Variants in FHOD3 observed in about 807,000 individuals in gnomAD.
FHOD3 encodes formin homology 2 domain containing 3.
Under a neutral mutation model 173.0 loss-of-function variants are expected in FHOD3, and 90 were observed. The observed-to-expected ratio is 0.52, with a 90% confidence interval of 0.44 to 0.62. FHOD3 has a LOEUF of 0.62. Among genes scored for constraint, FHOD3 ranks in the 20% least tolerant of loss-of-function variants. The pLI is 0.00. For missense variants in FHOD3, 1,945 were observed against 2,034.7 expected, an observed-to-expected ratio of 0.96 and a Z score of 0.85; for synonymous variants, 828 against 823.0, an observed-to-expected ratio of 1.01 and a Z score of -0.10.
At chr18:36,476,450 A>AG (rs2053580589) in intron 3 of FHOD3, among the ~76,000 whole-genome samples, 1 of 152,212 alleles carries the variant, frequency 6.6e-6, no homozygotes, top group South Asian at 2.1e-4. Context: ...CACAGAGGGC[A>AG]GGCAGGGCAG....
At chr18:36,365,398 T>C (rs910239134) in intron 2 of FHOD3, among the ~76,000 whole-genome samples, 1 of 152,168 alleles carries the variant, frequency 6.6e-6, no homozygotes, top group African/African-American at 2.4e-5. Flanking sequence ...AGACAGGCCA[T>C]GTGAAAGAAG....
At chr18:36,360,278 G>C (rs945023955) in intron 2 of FHOD3, among the ~76,000 whole-genome samples, 1 of 152,248 alleles carries the variant, frequency 6.6e-6, no homozygotes, top group Non-Finnish European at 1.5e-5. Flanking sequence ...ATGAGGACCA[G>C]TGTGGTGGCT....
At position 36,602,683 on chromosome 18, in the gene FHOD3, C is replaced by A. The variant is rs750087235; in HGVS notation, c.728C>A (p.Pro243His). Residue 243 changes from proline to histidine, a missense_variant, in exon 8 of 29, where the codon CCT becomes CAT. By Grantham distance (77) the Pro-to-His change is moderately conservative. Transcript: ENST00000590592. The stretch of plus-strand genomic sequence containing the variant: ...TTTGCTTTACTCATAGGGGTCAAAC[C>A]TTGGTCAAATATCATGGAAATCCTG... ...TAVDTKRGVK[P>H]WSNIMEILEE... 9 of 1,613,772 alleles carry A rather than the reference C, an allele frequency of 5.6e-6. No individual in the cohort carries two copies. The South Asian group carries it at 9.9e-5, about 18-fold the overall frequency.
At position 36,561,582 on chromosome 18, in the gene FHOD3, C is replaced by T. The variant is rs183599167; in HGVS notation, c.512-14869C>T. On this transcript the variant is annotated intron_variant, in intron 5 of 28. Coordinates refer to ENST00000590592, the MANE Select transcript of FHOD3 (RefSeq NM_001281740.3). ...TTATTGTGGATATATCATAAAAACA[C>T]GTTAACCATTTTTGTACAATTCAAT... 5.8e-3 allele frequency among the ~76,000 whole-genome samples: 890 copies of T among 152,268 alleles called. 13 individuals are homozygous for T. Among genetic ancestry groups the T allele is most frequent in the African/African-American group, 0.02 (838 of 41,550 alleles).
intron 3 of FHOD3, among the ~76,000 whole-genome samples, chr18:36,382,123 A>G (rs553241735): frequency 6.6e-6 from 1 of 152,252 alleles, no homozygotes; most frequent in East Asian, 1.9e-4. Flanking sequence ...CTGATGCAAG[A>G]CTGCTCCATG....
rs8091222 is a variant in FHOD3 at position 36,541,521 on chromosome 18, C to A, written c.511+28978C>A. ...TCCAGCCTGGGCAACCGAGCAAGACCTTATCTCTACAAAAAATGAAAAAGA... is the reference window on the plus strand; with the variant it reads ...TCCAGCCTGGGCAACCGAGCAAGACATTATCTCTACAAAAAATGAAAAAGA... On this transcript the variant is annotated intron_variant, in intron 5 of 28. Coordinates refer to ENST00000590592, the MANE Select transcript of FHOD3 (RefSeq NM_001281740.3). 9.9e-3 allele frequency among the ~76,000 whole-genome samples: 1,510 copies of A among 152,132 alleles called. 20 individuals carry two copies. The highest frequency in any genetic ancestry group is 0.034 in the African/African-American group (1,427 of 41,516).
At chr18:36,718,813 T>G in intron 19 of FHOD3, 98 bp downstream of exon 19, 5 of 1,506,144 alleles carry the variant, frequency 3.3e-6, no homozygotes, top group Non-Finnish European at 4.4e-6. Context: ...TTTTGCTATT[T>G]GGTAAAAAGT....
At position 36,709,076 on chromosome 18, in the gene FHOD3, C is replaced by G; in HGVS notation, c.2237-19C>G. On this transcript the variant is annotated intron_variant, in intron 17 of 28. Transcript: ENST00000590592. ...AAGAAATCTGTCGTCAATATAATCT[C>G]CATTGTTGTCTCCACCAGCAAGTGC... is the stretch of plus-strand genomic sequence containing the variant. The G allele has an allele frequency of 1.2e-6, 2 of 1,609,314 alleles. No homozygotes were observed. Among genetic ancestry groups the G allele is most frequent in the Non-Finnish European group, 1.7e-6 (2 of 1,176,504 alleles).
Position 36,693,324 on chromosome 18 carries a change from G to A in FHOD3, c.2137G>A (p.Ala713Thr). 1.2e-6 allele frequency: 2 copies of A among 1,613,888 alleles called. No homozygotes were observed. The highest frequency in any genetic ancestry group is 1.7e-4 in the Middle Eastern group (1 of 6,056). ...GGACCTGACCTCGCCAGCAGCCCCA[G>A]CCTGCCTGGCTCCTCTGAGCCATAG... ...SLDLTSPAAP[A>T]CLAPLSHSPS... Residue 713 changes from alanine (A) to threonine (T), a missense_variant, in exon 17 of 29, where the codon GCC becomes ACC. Ala to Thr is a moderately conservative substitution (Grantham distance 58, BLOSUM62 0). Coordinates refer to ENST00000590592, the MANE Select transcript of FHOD3 (RefSeq NM_001281740.3).
chr18:36,528,769 C>T (rs2056646150), intron 5 of FHOD3, among the ~76,000 whole-genome samples: 1 of 152,326 alleles, frequency 6.6e-6, no homozygotes, highest in African/African-American at 2.4e-5. Context: ...TTAGATCATG[C>T]CTTGAAGATT....
At chr18:36,352,203 G>A (rs2046160601) in intron 1 of FHOD3, among the ~76,000 whole-genome samples, 1 of 151,962 alleles carries the variant, frequency 6.6e-6, no homozygotes, top group Admixed American at 6.6e-5. Context: ...CTTGATGCCA[G>A]GAGTTCAAGA....
At chr18:36,738,364 A>G (rs2041743802) in intron 20 of FHOD3, among the ~76,000 whole-genome samples, 1 of 152,240 alleles carries the variant, frequency 6.6e-6, no homozygotes, top group Admixed American at 6.5e-5. Flanking sequence ...TTGCTGGATC[A>G]TATGGTAATT....
intron 2 of FHOD3, among the ~76,000 whole-genome samples, chr18:36,363,140 TATC>T (rs1354978022): frequency 6.6e-6 from 1 of 152,186 alleles, no homozygotes; most frequent in African/African-American, 2.4e-5. Context: ...AAAACACGGA[TATC>T]ATCAAATGCT....
intron 1 of FHOD3, among the ~76,000 whole-genome samples, chr18:36,348,462 G>A (rs1479748651): frequency 1.3e-5 from 2 of 152,182 alleles, no homozygotes; most frequent in Admixed American, 6.5e-5. Context: ...GTGGGCGTGT[G>A]ACTGATGGAG....
rs147664789 is a variant in FHOD3, at chr18:36,324,559, A to G, written c.165+26559A>G. 5.3e-5 allele frequency among the ~76,000 whole-genome samples: 8 copies of G among 152,340 alleles called. No homozygotes were observed. In the East Asian group the frequency reaches 1.5e-3, roughly 29 times the overall value. ...TCTTAAATAAGAAAATGACAGTCCA[A>G]TAGAAAAATGGGGAAGAGACTTGAA... On this transcript the variant is annotated intron_variant, in intron 1 of 28. Coordinates refer to ENST00000590592, the MANE Select transcript of FHOD3 (RefSeq NM_001281740.3).
At chr18:36,740,976 G>T in intron 21 of FHOD3, 138 bp downstream of exon 21, 2 of 796,814 alleles carry the variant, frequency 2.5e-6, no homozygotes, top group East Asian at 5.7e-5. Flanking sequence ...TGAGGAGGTC[G>T]TGTGTACACC....
intron 3 of FHOD3, among the ~76,000 whole-genome samples, chr18:36,440,533 C>T (rs892866428): frequency 1.4e-4 from 21 of 152,244 alleles, no homozygotes; most frequent in African/African-American, 4.3e-4. Flanking sequence ...CGGGCCTCCA[C>T]GGCCCTCCCA....
At chr18:36,421,219 G>C (rs2049967842) in intron 3 of FHOD3, among the ~76,000 whole-genome samples, 1 of 152,100 alleles carries the variant, frequency 6.6e-6, no homozygotes, top group South Asian at 2.1e-4. Flanking sequence ...TATGGATTAG[G>C]GTAGCTTGCC....
chr18:36,498,823 T>C (rs573509614), intron 3 of FHOD3, among the ~76,000 whole-genome samples: 10 of 152,344 alleles, frequency 6.6e-5, no homozygotes, highest in African/African-American at 2.2e-4. Flanking sequence ...TAGCAGTCAT[T>C]CTCAGCTGAT....
Sources: gnomAD v4.1 joint callset for allele counts (sites outside exome capture counted in the v4.1 genomes callset) on GRCh38, gnomAD v4.1.1 for gene constraint, MANE v1.5 for transcripts, NCBI Gene and HGNC (gene_info 2026-07-23, HGNC 2026-07-21) for gene names.